UPF2: variants seen among roughly 807,000 people sequenced by gnomAD.
The protein encoded by UPF2 is regulator of nonsense transcripts 2.
A neutral mutation model predicts 141.4 loss-of-function variants in UPF2; 17 were observed. The observed-to-expected ratio is 0.12, with a 90% confidence interval of 0.08 to 0.18. The LOEUF is 0.18. Ranked by LOEUF, UPF2 falls within the 10% of genes least tolerant of loss-of-function variation. The pLI, the probability that UPF2 is intolerant of heterozygous loss-of-function variation, is 1.00. For synonymous variants in UPF2, 540 were observed against 498.0 expected (o/e 1.08, Z -1.12); for missense variants, 1,152 against 1,515.9 (o/e 0.76, Z 3.99).
chr10:11,974,143 A>G (rs1479461735), intron 9 of UPF2, among the ~76,000 whole-genome samples: 1 of 152,112 alleles, frequency 6.6e-6, no homozygotes, highest in African/African-American at 2.4e-5. Flanking sequence ...CTTTGAAGCA[A>G]TTATGAATGG....
At chr10:11,926,038 A>C (rs1294420918) in intron 21 of UPF2, among the ~76,000 whole-genome samples, 1 of 152,214 alleles carries the variant, frequency 6.6e-6, no homozygotes, top group African/African-American at 2.4e-5. Context: ...GCTGATGAGG[A>C]GGCTGAGGCA....
chr10:11,986,043 C>T (rs149459078), intron 8 of UPF2, among the ~76,000 whole-genome samples: 4,301 of 151,730 alleles, frequency 0.028, 77 homozygotes, highest in Non-Finnish European at 0.033. Flanking sequence ...CGCCACCAAG[C>T]CCGGCTAATT....
chr10:12,027,538 C>T (rs1261041126), intron 3 of UPF2, among the ~76,000 whole-genome samples: 1 of 152,186 alleles, frequency 6.6e-6, no homozygotes, highest in African/African-American at 2.4e-5. Context: ...CTTTTTAGTC[C>T]ATTACTGATG....
chr10:11,973,826 C>T (rs971751344), intron 9 of UPF2, among the ~76,000 whole-genome samples: 1 of 152,206 alleles, frequency 6.6e-6, no homozygotes, highest in Non-Finnish European at 1.5e-5. Flanking sequence ...CATGATGCCT[C>T]TAACTTTGTT....
In UPF2 at chr10:12,003,298, T is replaced by G. The variant is rs555455261; in HGVS notation, c.1504+1232A>C. Among the ~76,000 whole-genome samples, 88 of 152,266 alleles carry G rather than the reference T, an allele frequency of 5.8e-4. 1 individual carries two copies. Among genetic ancestry groups the G allele is most frequent in the African/African-American group, 2.0e-3 (82 of 41,554 alleles). On this transcript the variant is annotated intron_variant, in intron 5 of 21. Coordinates refer to ENST00000357604, the MANE Select transcript of UPF2 (RefSeq NM_015542.4). The stretch of plus-strand genomic sequence containing the variant: ...AGAATGACGCTAAGCTGTCAAACAT[T>G]CTGAAAAAAGCTTAAAATGTGACCC...
intron 21 of UPF2, among the ~76,000 whole-genome samples, chr10:11,924,830 A>AT (rs942436797): frequency 3.2e-4 from 48 of 151,978 alleles, no homozygotes; most frequent in Admixed American, 8.5e-4. Flanking sequence ...TTAATAACTG[A>AT]TTTTTTTTAA....
At chr10:11,955,959 T>C (rs1241825812) in intron 13 of UPF2, among the ~76,000 whole-genome samples, 1 of 152,064 alleles carries the variant, frequency 6.6e-6, no homozygotes, top group Non-Finnish European at 1.5e-5. Flanking sequence ...CTGGCCGACA[T>C]GGCAAAACCC....
intron 8 of UPF2, among the ~76,000 whole-genome samples, chr10:11,982,863 AC>A (rs572850772): frequency 1.3e-4 from 20 of 150,766 alleles, no homozygotes; most frequent in South Asian, 1.3e-3. Flanking sequence ...TAGGCGATCC[AC>A]CCCCCTCAGC....
At chr10:12,005,355 A>C (rs145160026) in intron 4 of UPF2, among the ~76,000 whole-genome samples, 1 of 152,322 alleles carries the variant, frequency 6.6e-6, no homozygotes, top group African/African-American at 2.4e-5. Flanking sequence ...AGAGATTCTA[A>C]AGAACAGAAG....
intron 2 of UPF2, among the ~76,000 whole-genome samples, chr10:12,034,322 A>ATTTTTTTTTTTTTTTTTTTTT (rs200163094): frequency 7.7e-6 from 1 of 129,758 alleles, no homozygotes; most frequent in African/African-American, 3.1e-5. Context: ...TTATTTTATT[A>ATTTTTTTTTTTTTTTTTTTTT]TTTTATTTTT....
rs183045335 is a variant in UPF2, at chr10:11,998,886, G to T, written c.1758+1020C>A. Among the ~76,000 whole-genome samples, 535 of 151,338 alleles carry T rather than the reference G, an allele frequency of 3.5e-3. 1 individual carries two copies. Among genetic ancestry groups the T allele is most frequent in the African/African-American group, 0.012 (513 of 41,266 alleles). On this transcript the variant is annotated intron_variant, in intron 7 of 21. Coordinates refer to ENST00000357604, the MANE Select transcript of UPF2 (RefSeq NM_015542.4). This position sits in a 1 kb window ranked among gnomAD's most constrained non-coding sequence, Gnocchi z 4.5. ...TAAAAAATAAAAAGATTAGCTGGGC[G>T]TGGTGGTGCACGCCTGTAGTCCCAG...
Position 11,959,441 on chromosome 10 carries a change from G to A in UPF2, c.2185-85C>T. The A allele has an allele frequency of 1.4e-6, 2 of 1,397,226 alleles. No homozygotes were observed. The highest frequency in any genetic ancestry group is 3.1e-5 in the South Asian group (2 of 64,314). 86.6% of individuals were successfully genotyped at this position (1,397,226 alleles called of 1,614,324 possible). A position where few individuals can be genotyped will look rare whatever the true frequency, so the allele number is the denominator to read the frequency against. On this transcript the variant is annotated intron_variant, in intron 11 of 21. Coordinates refer to ENST00000357604, the MANE Select transcript of UPF2 (RefSeq NM_015542.4). The surrounding 1 kb of genome is among the most constrained non-coding windows in gnomAD (Gnocchi z 5.9). ...ACTAAACTTCTATTCTCAGTGATTT[G>A]CTATTTCAAAGTAATGGGTTAGAAA...
chr10:11,997,037 T>G (rs969396726), intron 8 of UPF2, among the ~76,000 whole-genome samples: 16 of 152,180 alleles, frequency 1.1e-4, no homozygotes, highest in Admixed American at 9.8e-4. Flanking sequence ...ATAGATCTCC[T>G]CCAGGATTCT....
Position 12,014,292 on chromosome 10 carries a change from A to C in UPF2, c.1146-108T>G. 9.2e-7 allele frequency: 1 copy of C among 1,086,062 alleles called. No individual in the cohort carries two copies. Among genetic ancestry groups the C allele is most frequent in the Non-Finnish European group, 1.2e-6 (1 of 841,762 alleles). The allele number at this position is 1,086,062 out of a possible 1,614,324, so 67.3% of individuals were successfully genotyped here. A position where few individuals can be genotyped will look rare whatever the true frequency, so the allele number is the denominator to read the frequency against. Reference sequence around the variant, plus strand: ...TTGATTTTCTCATACAAATTTAGTAAAATCTTCATTTTTATTTAACATTTG... The same window carrying C: ...TTGATTTTCTCATACAAATTTAGTACAATCTTCATTTTTATTTAACATTTG... On this transcript the variant is annotated intron_variant, in intron 3 of 21. Transcript: ENST00000357604. This position sits in a 1 kb window ranked among gnomAD's most constrained non-coding sequence, Gnocchi z 5.0.
At position 12,019,376 on chromosome 10, in the gene UPF2, C is replaced by T. The variant is rs1230999398; in HGVS notation, c.1146-5192G>A. The stretch of plus-strand genomic sequence containing the variant: ...GCTTCCCAAAACATTCTACTTTTGA[C>T]TATTTTTCAACCATTTAAAAAAGTA... On this transcript the variant is annotated intron_variant, in intron 3 of 21. Transcript: ENST00000357604. The surrounding 1 kb of genome is among the most constrained non-coding windows in gnomAD (Gnocchi z 4.5). 2.6e-5 allele frequency among the ~76,000 whole-genome samples: 4 copies of T among 152,236 alleles called. No homozygotes were observed. Among genetic ancestry groups the T allele is most frequent in the Admixed American group, 6.5e-5 (1 of 15,276 alleles).
chr10:11,929,005 C>T (rs1045856235), intron 21 of UPF2, among the ~76,000 whole-genome samples: 22 of 151,978 alleles, frequency 1.4e-4, no homozygotes, highest in African/African-American at 5.1e-4. Context: ...AAAAATTAGC[C>T]AGATGCGGTG....
chr10:11,944,287 A>G (rs1588530487), intron 16 of UPF2, among the ~76,000 whole-genome samples: 3 of 152,156 alleles, frequency 2.0e-5, no homozygotes, highest in Non-Finnish European at 4.4e-5. Flanking sequence ...ACTTGTCAGG[A>G]GTTCAAGACC....
At chr10:11,982,448 T>C (rs981073448) in intron 8 of UPF2, among the ~76,000 whole-genome samples, 1 of 152,136 alleles carries the variant, frequency 6.6e-6, no homozygotes, top group Non-Finnish European at 1.5e-5. Context: ...TCCTCACTGA[T>C]GCTCTGACTC....
chr10:12,016,691 A>T lies in UPF2; in HGVS notation c.1146-2507T>A, dbSNP rs562703559. 1.3e-3 allele frequency among the ~76,000 whole-genome samples: 180 copies of T among 139,734 alleles called. No individual in the cohort carries two copies. The highest frequency in any genetic ancestry group is 1.5e-3 in the Non-Finnish European group (96 of 63,606). The allele number at this position is 139,734 out of a possible 152,430, so 91.7% of individuals were successfully genotyped here. ...CCTGGGCGACAGAGCAAGACTGTCT[A>T]AAAAAAAAAAGAAAAAGAAGTAAGT... On this transcript the variant is annotated intron_variant, in intron 3 of 21. Transcript: ENST00000357604. The surrounding 1 kb of genome is among the most constrained non-coding windows in gnomAD (Gnocchi z 4.1).
Sources: gnomAD v4.1 joint callset for allele counts (sites outside exome capture counted in the v4.1 genomes callset) on GRCh38, gnomAD v4.1.1 for gene constraint, Gnocchi (gnomAD v3.1) non-coding constraint, MANE v1.5 for transcripts, NCBI Gene and HGNC (gene_info 2026-07-23, HGNC 2026-07-21) for gene names.